TPST2: variants seen among roughly 807,000 people sequenced by gnomAD.
TPST2 encodes tyrosylprotein sulfotransferase 2.
A neutral mutation model predicts 27.8 loss-of-function variants in TPST2; 16 were observed. The ratio of observed to expected loss-of-function variants is 0.58; its 90% CI spans 0.39 to 0.88. TPST2 has a LOEUF of 0.88. Ranked by LOEUF, TPST2 falls within the 40% of genes least tolerant of loss-of-function variation. The pLI, the probability that TPST2 is intolerant of heterozygous loss-of-function variation, is 0.00. For missense variants in TPST2, 464 were observed against 543.1 expected (o/e 0.85, Z 1.45); for synonymous variants, 229 against 231.7 (o/e 0.99, Z 0.10).
intron 1 of TPST2, among the ~76,000 whole-genome samples, chr22:26,562,869 C>T (rs577790574): frequency 1.3e-4 from 20 of 152,200 alleles, no homozygotes; most frequent in African/African-American, 2.4e-4. Context: ...GTGATCTGCC[C>T]GCCTCGGCCT....
At chr22:26,589,392 C>T (rs1056823659) in intron 1 of TPST2, among the ~76,000 whole-genome samples, 1 of 152,110 alleles carries the variant, frequency 6.6e-6, no homozygotes, top group Non-Finnish European at 1.5e-5. Flanking sequence ...GCTACCAGTC[C>T]CAGTCCCGGC....
At chr22:26,563,225 G>A (rs1927211350) in intron 1 of TPST2, among the ~76,000 whole-genome samples, 1 of 152,150 alleles carries the variant, frequency 6.6e-6, no homozygotes, top group South Asian at 2.1e-4. Flanking sequence ...GGCCAAATCA[G>A]TAAACAAGAC....
chr22:26,548,285 T>C (rs1034784665), intron 1 of TPST2, among the ~76,000 whole-genome samples: 6 of 132,498 alleles, frequency 4.5e-5, no homozygotes, highest in African/African-American at 1.7e-4. Flanking sequence ...AAGACCAGCC[T>C]GGGCTGTTAA....
At chr22:26,532,771 C>G (rs1361556627) in intron 4 of TPST2, 26 bp from the exon 5 acceptor site, 1 of 1,608,556 alleles carries the variant, frequency 6.2e-7, no homozygotes, top group African/African-American at 1.3e-5. Context: ...AGAAATATCA[C>G]TATTATGAAA....
At chr22:26,547,599 G>A (rs1034507059) in intron 1 of TPST2, 1 of 152,094 alleles carries the variant, frequency 6.6e-6, no homozygotes, top group Non-Finnish European at 1.5e-5. Flanking sequence ...CAGCAAAATC[G>A]CCAACAAATA....
At chr22:26,588,992 G>A (rs968647658) in intron 1 of TPST2, among the ~76,000 whole-genome samples, 1 of 152,168 alleles carries the variant, frequency 6.6e-6, no homozygotes, top group African/African-American at 2.4e-5. Flanking sequence ...ACAATACCAG[G>A]AGAATGCCAG....
intron 6 of TPST2, among the ~76,000 whole-genome samples, chr22:26,526,862 G>C (rs1924870936): frequency 6.6e-6 from 1 of 152,178 alleles, no homozygotes; most frequent in Non-Finnish European, 1.5e-5. Flanking sequence ...CAGATCACTT[G>C]AGGCCAGGAG....
intron 2 of TPST2, among the ~76,000 whole-genome samples, chr22:26,543,598 C>T (rs2147192877): frequency 6.6e-6 from 1 of 152,290 alleles, no homozygotes; most frequent in South Asian, 2.1e-4. Flanking sequence ...TGAGCCACCG[C>T]ACCCGGCCAG....
At chr22:26,584,689 A>G (rs1040405780) in intron 1 of TPST2, among the ~76,000 whole-genome samples, 7 of 152,106 alleles carry the variant, frequency 4.6e-5, no homozygotes. Flanking sequence ...AAAAAACCCA[A>G]AACAAAAAAA....
At chr22:26,532,485 T>G (rs755485116) in intron 5 of TPST2, among the ~76,000 whole-genome samples, 1 of 152,186 alleles carries the variant, frequency 6.6e-6, no homozygotes, top group African/African-American at 2.4e-5. Flanking sequence ...TTCACCGTTT[T>G]GGTCAGGCTG....
At chr22:26,548,236 G>A (rs1469630512) in intron 1 of TPST2, among the ~76,000 whole-genome samples, 1 of 151,798 alleles carries the variant, frequency 6.6e-6, no homozygotes, top group African/African-American at 2.4e-5. Flanking sequence ...CAGCACTTTG[G>A]GAAGCCGAGG....
chr22:26,573,861 CCT>C (rs1209330078), intron 1 of TPST2, among the ~76,000 whole-genome samples: 5 of 152,174 alleles, frequency 3.3e-5, no homozygotes, highest in Non-Finnish European at 7.3e-5. Context: ...TTCACCTGCT[CCT>C]CTGTTTCCTT....
At chr22:26,569,142 T>C (rs1189035370) in intron 1 of TPST2, among the ~76,000 whole-genome samples, 3 of 152,006 alleles carry the variant, frequency 2.0e-5, no homozygotes, top group Admixed American at 6.6e-5. Flanking sequence ...GGATTACAGG[T>C]GTGAGCCACC....
At chr22:26,552,408 G>A (rs1027070660) in intron 1 of TPST2, among the ~76,000 whole-genome samples, 35 of 152,204 alleles carry the variant, frequency 2.3e-4, no homozygotes, top group African/African-American at 8.4e-4. Flanking sequence ...AGGGGAAACT[G>A]AGGCTTAGAG....
intron 1 of TPST2, among the ~76,000 whole-genome samples, chr22:26,588,266 G>T (rs1466043279): frequency 6.6e-6 from 1 of 151,540 alleles, no homozygotes; most frequent in Non-Finnish European, 1.5e-5. Flanking sequence ...AACATTCTCT[G>T]AAGTGAAAAG....
intron 1 of TPST2, among the ~76,000 whole-genome samples, chr22:26,577,788 A>G (rs2147237966): frequency 6.6e-6 from 1 of 150,878 alleles, no homozygotes; most frequent in South Asian, 2.1e-4. Context: ...CCTCCTGAGT[A>G]GCTGGGATTA....
chr22:26,586,407 G>A (rs1357839860), intron 1 of TPST2, among the ~76,000 whole-genome samples: 1 of 151,740 alleles, frequency 6.6e-6, no homozygotes, highest in East Asian at 1.9e-4. Context: ...GCACCACCAC[G>A]CCTGGCTAAT....
intron 2 of TPST2, among the ~76,000 whole-genome samples, chr22:26,542,211 C>A (rs1368416145): frequency 2.0e-5 from 3 of 148,176 alleles, no homozygotes; most frequent in Non-Finnish European, 3.0e-5. Flanking sequence ...CACTGCACTC[C>A]AGCGTGGGCG....
At chr22:26,543,742 C>G (rs143563849) in intron 2 of TPST2, among the ~76,000 whole-genome samples, 1 of 152,330 alleles carries the variant, frequency 6.6e-6, no homozygotes, top group East Asian at 1.9e-4. Flanking sequence ...GGCAGGAATC[C>G]TGGATCAGAC....
Sources: allele counts gnomAD v4.1 joint callset (sites outside exome capture counted in the v4.1 genomes callset), GRCh38; gene constraint gnomAD v4.1.1; transcripts MANE v1.5; gene names NCBI Gene and HGNC (gene_info 2026-07-23, HGNC 2026-07-21).